The following TAFA1 variants were observed in gnomAD, a reference collection of about 807,000 sequenced individuals.
TAFA1 encodes chemokine-like protein TAFA-1.
A neutral mutation model predicts 18.5 loss-of-function variants in TAFA1; 4 were observed. The observed-to-expected ratio is 0.22, with a 90% CI of 0.11 to 0.49. The LOEUF is 0.49. Among genes scored for constraint, TAFA1 ranks in the 20% least tolerant of loss-of-function variants. TAFA1 has a pLI of 0.98. For missense variants in TAFA1, 147 were observed against 169.0 expected, an observed-to-expected ratio of 0.87 and a Z score of 0.72; for synonymous variants, 56 against 55.2, an observed-to-expected ratio of 1.01 and a Z score of -0.06.
At chr3:68,417,216 C>A in intron 2 of TAFA1, 64 bp from the exon 3 acceptor site, 1 of 1,459,370 alleles carries the variant, frequency 6.9e-7, no homozygotes, top group Non-Finnish European at 9.5e-7. Context: ...ACATGCACTC[C>A]CAGGGGCTCG....
chr3:68,545,113 C>T lies in TAFA1; in HGVS notation c.*610C>T, dbSNP rs1485815808. ...AGATGGCCCAAGGAAGCACATCGTC[C>T]TGTTTTATTGCTTTCTACCCTGTGC... is the stretch of plus-strand genomic sequence containing the variant. On this transcript the variant is annotated 3_prime_UTR_variant, in exon 5 of 5. Coordinates refer to ENST00000478136, the MANE Select transcript of TAFA1 (RefSeq NM_213609.4). 1 of 152,566 alleles carries T rather than the reference C, an allele frequency of 6.6e-6. No individual in the cohort carries two copies. The highest frequency in any genetic ancestry group is 1.5e-5 in the Non-Finnish European group (1 of 68,058). The allele number at this position is 152,566 out of a possible 1,614,324, so 9.5% of individuals were successfully genotyped here.
intron 3 of TAFA1, among the ~76,000 whole-genome samples, chr3:68,479,843 C>A (rs776577104): frequency 6.6e-6 from 1 of 151,992 alleles, no homozygotes; most frequent in South Asian, 2.1e-4. Flanking sequence ...TATATACATA[C>A]ATGCACACAT....
chr3:68,355,222 A>G (rs2069339365), intron 2 of TAFA1, among the ~76,000 whole-genome samples: 1 of 152,042 alleles, frequency 6.6e-6, no homozygotes, highest in Middle Eastern at 3.4e-3. Context: ...TGAGCCCCAG[A>G]CACTCAGTCA....
At chr3:68,474,356 A>G (rs904235969) in intron 3 of TAFA1, among the ~76,000 whole-genome samples, 1 of 152,198 alleles carries the variant, frequency 6.6e-6, no homozygotes, top group Non-Finnish European at 1.5e-5. Flanking sequence ...CCATTCATCC[A>G]TTCGAGAATC....
At chr3:68,409,149 G>A (rs1205939905) in intron 2 of TAFA1, among the ~76,000 whole-genome samples, 1 of 152,072 alleles carries the variant, frequency 6.6e-6, no homozygotes, top group African/African-American at 2.4e-5. Flanking sequence ...CAGGGCTTAG[G>A]CTTATATTCC....
intron 2 of TAFA1, among the ~76,000 whole-genome samples, chr3:68,073,429 T>C (rs1015943485): frequency 5.3e-5 from 8 of 152,232 alleles, no homozygotes; most frequent in Admixed American, 2.6e-4. Flanking sequence ...TTCTGCAGCA[T>C]TAACAAATAT....
chr3:68,138,923 A>G (rs1428171728), intron 2 of TAFA1, among the ~76,000 whole-genome samples: 1 of 152,190 alleles, frequency 6.6e-6, no homozygotes, highest in Non-Finnish European at 1.5e-5. Context: ...TGCCAGGAGT[A>G]GTGAAACTGA....
intron 2 of TAFA1, among the ~76,000 whole-genome samples, chr3:68,373,564 A>G (rs1396383347): frequency 6.6e-6 from 1 of 152,190 alleles, no homozygotes; most frequent in African/African-American, 2.4e-5. Context: ...AAGGTACCCC[A>G]TGCCCTCTTT....
chr3:68,397,486 T>G (rs2070406484), intron 2 of TAFA1, among the ~76,000 whole-genome samples: 1 of 152,242 alleles, frequency 6.6e-6, no homozygotes. Context: ...GCAAAGGACA[T>G]AAACTCATTC....
At chr3:68,384,681 C>G (rs572717944) in intron 2 of TAFA1, among the ~76,000 whole-genome samples, 17 of 151,940 alleles carry the variant, frequency 1.1e-4, no homozygotes, top group Non-Finnish European at 2.4e-4. Context: ...TTTATCAGTT[C>G]CATTTGGTAC....
chr3:68,078,489 A>G (rs6776065), intron 2 of TAFA1, among the ~76,000 whole-genome samples: 132,829 of 152,050 alleles, frequency 0.87, 58,674 homozygotes, highest in South Asian at 0.95. Context: ...CGTCCCATCA[A>G]TACCTAATTT....
chr3:68,486,340 T>C (rs901635961), intron 3 of TAFA1, among the ~76,000 whole-genome samples: 1 of 152,080 alleles, frequency 6.6e-6, no homozygotes, highest in African/African-American at 2.4e-5. Context: ...TGTTTTTGCT[T>C]TGCTTGCTTA....
intron 2 of TAFA1, among the ~76,000 whole-genome samples, chr3:68,189,072 G>A (rs146418627): frequency 1.7e-3 from 260 of 151,940 alleles, no homozygotes; most frequent in African/African-American, 6.0e-3. Flanking sequence ...CTTGGAGTGT[G>A]ACCCAAAATT....
chr3:68,526,442 C>T (rs963201747), intron 3 of TAFA1, among the ~76,000 whole-genome samples: 8 of 152,082 alleles, frequency 5.3e-5, no homozygotes, highest in Non-Finnish European at 1.2e-4. Context: ...ATTGTGAACA[C>T]TAGTTTTGCA....
chr3:68,137,479 G>A (rs1246019665), intron 2 of TAFA1, among the ~76,000 whole-genome samples: 11 of 152,170 alleles, frequency 7.2e-5, no homozygotes, highest in East Asian at 5.8e-4. Context: ...AAGTGGGACC[G>A]TGCAATACTG....
In TAFA1 at chr3:68,011,388, T is replaced by A. The variant is rs577306125; in HGVS notation, c.118+4644T>A. Among the ~76,000 whole-genome samples the A allele has an allele frequency of 3.1e-4, 47 of 152,288 alleles. No homozygotes were observed. The South Asian group carries it at 7.9e-3, about 26-fold the overall frequency. ...TCTGTGTAATTTATACTTGACCTGA[T>A]TTAAAGCTATATTAAGCAAACTATG... On this transcript the variant is annotated intron_variant, in intron 2 of 4. Transcript: ENST00000478136.
intron 2 of TAFA1, among the ~76,000 whole-genome samples, chr3:68,222,957 A>T (rs2066750119): frequency 6.6e-6 from 1 of 152,108 alleles, no homozygotes; most frequent in Admixed American, 6.5e-5. Context: ...GGGATTATAG[A>T]CATGAGCCAC....
chr3:68,481,153 T>G (rs1012143857), intron 3 of TAFA1, among the ~76,000 whole-genome samples: 6 of 152,252 alleles, frequency 3.9e-5, no homozygotes, highest in African/African-American at 4.8e-5. Context: ...ACCATGTTTT[T>G]GAACATACAT....
intron 3 of TAFA1, among the ~76,000 whole-genome samples, chr3:68,514,921 G>A (rs9836279): frequency 0.8 from 121,668 of 151,994 alleles, 48,764 homozygotes; most frequent in East Asian, 0.89. Context: ...TTTATTGGTA[G>A]CAATTTGGAT....
Sources: allele counts gnomAD v4.1 joint callset (sites outside exome capture counted in the v4.1 genomes callset), GRCh38; gene constraint gnomAD v4.1.1; transcripts MANE v1.5; gene names NCBI Gene and HGNC (gene_info 2026-07-23, HGNC 2026-07-21).